The following HECTD4 variants were observed in gnomAD, a reference collection of about 807,000 sequenced individuals.
HECTD4 encodes the protein HECT domain E3 ubiquitin protein ligase 4.
In HECTD4, 114 loss-of-function variants were observed where a neutral mutation model predicts 471.5. The ratio of observed to expected loss-of-function variants is 0.24; its 90% CI spans 0.21 to 0.28. The LOEUF (loss-of-function observed/expected upper bound fraction) is 0.28, where lower values mean the gene tolerates loss of function less well. Ranked by LOEUF, HECTD4 falls within the 10% of genes least tolerant of loss-of-function variation. HECTD4 has a pLI of 1.00. For missense variants in HECTD4, 3,866 were observed against 5,651.5 expected, an observed-to-expected ratio of 0.68 and a Z score of 10.13; for synonymous variants, 2,012 against 2,256.0, an observed-to-expected ratio of 0.89 and a Z score of 3.07.
Position 112,219,495 on chromosome 12 carries a change from G to C in HECTD4, c.6971-6C>G. ...CACAACTGCAAGTCGCTCTCCTGTA[G>C]AGGGCACATGTTGAATCTGTGAAAA... On this transcript the variant is annotated splice_polypyrimidine_tract_variant and splice_region_variant and intron_variant, in intron 44 of 75. Transcript: ENST00000682272. 6.2e-7 allele frequency: 1 copy of C among 1,605,994 alleles called. No individual in the cohort carries two copies. The highest frequency in any genetic ancestry group is 1.3e-5 in the African/African-American group (1 of 74,860).
At chr12:112,380,228 T>C (rs2036862469) in intron 1 of HECTD4, among the ~76,000 whole-genome samples, 1 of 152,128 alleles carries the variant, frequency 6.6e-6, no homozygotes, top group Non-Finnish European at 1.5e-5. Flanking sequence ...GCAGATCACT[T>C]GAGGTCAGGA....
At chr12:112,224,791 T>G (rs1288890578) in intron 44 of HECTD4, among the ~76,000 whole-genome samples, 1 of 152,188 alleles carries the variant, frequency 6.6e-6, no homozygotes, top group African/African-American at 2.4e-5. Flanking sequence ...ACCTTATGCA[T>G]TAAGTATCAA....
In HECTD4 at chr12:112,160,616, A is replaced by G. The variant is rs936601421; in HGVS notation, c.*1771T>C. On this transcript the variant is annotated 3_prime_UTR_variant, in exon 76 of 76. Coordinates refer to ENST00000682272, the MANE Select transcript of HECTD4 (RefSeq NM_001388303.1). ...GCTTCTGAACTCCTCCTGGGGAGGT[A>G]GCTGACAAGTCCATTCAAGGGATGA... is the stretch of plus-strand genomic sequence containing the variant. 1 of 152,220 alleles carries G rather than the reference A, an allele frequency of 6.6e-6. No individual in the cohort carries two copies. The highest frequency in any genetic ancestry group is 2.4e-5 in the African/African-American group (1 of 41,458). 9.4% of individuals were successfully genotyped at this position (152,220 alleles called of 1,614,324 possible). A position where few individuals can be genotyped will look rare whatever the true frequency, so the allele number is the denominator to read the frequency against.
chr12:112,288,261 G>A (rs757373821), intron 7 of HECTD4, among the ~76,000 whole-genome samples: 2 of 150,444 alleles, frequency 1.3e-5, no homozygotes, highest in Admixed American at 6.7e-5. Context: ...AGAGGTTGCA[G>A]TGAGCGGAGA....
intron 60 of HECTD4, 33 bp from the exon 61 acceptor site, chr12:112,185,526 T>TATTTTC: frequency 6.8e-7 from 1 of 1,469,620 alleles, no homozygotes; most frequent in Non-Finnish European, 9.2e-7. Flanking sequence ...CAGTAATTAC[T>TATTTTC]ATGCAGCACT....
chr12:112,294,960 A>AATTC (rs1486925058), intron 7 of HECTD4, among the ~76,000 whole-genome samples: 96 of 152,130 alleles, frequency 6.3e-4, no homozygotes, highest in African/African-American at 2.1e-3. Flanking sequence ...TTAATTAATT[A>AATTC]ATTCATTCAT....
intron 27 of HECTD4, 30 bp from the exon 28 acceptor site, chr12:112,247,580 C>A: frequency 8.7e-7 from 1 of 1,146,032 alleles, no homozygotes; most frequent in South Asian, 1.6e-5. Context: ...TATGCAGAAT[C>A]TGCAAGAACC....
chr12:112,208,609 C>A lies in HECTD4; in HGVS notation c.7889G>T (p.Cys2630Phe). 26 of 1,598,030 alleles carry A rather than the reference C, an allele frequency of 1.6e-5. No homozygotes were observed. Among genetic ancestry groups the A allele is most frequent in the Non-Finnish European group, 2.2e-5 (26 of 1,174,184 alleles). Residue 2630 changes from cysteine (C) to phenylalanine (F), a missense_variant, in exon 51 of 76, where the codon TGT becomes TTT. Physicochemically the swap from Cys to Phe is radical, Grantham distance 205 (BLOSUM62 -2). Transcript: ENST00000682272. Reference sequence around the variant, plus strand: ...ATAGCTGAGCTCGACTTTATAATGACAGGAGGTGTCACTATCATATTCTGT... The same window carrying A: ...ATAGCTGAGCTCGACTTTATAATGAAAGGAGGTGTCACTATCATATTCTGT... ...AQQQYDSDTSCHYKVELSYEN... is the reference protein window; with the variant it reads ...AQQQYDSDTSFHYKVELSYEN...
At chr12:112,182,832 CA>C (rs1315318801) in intron 62 of HECTD4, among the ~76,000 whole-genome samples, 1 of 152,254 alleles carries the variant, frequency 6.6e-6, no homozygotes, top group African/African-American at 2.4e-5. Flanking sequence ...TGCACATAAC[CA>C]GCCCCCACTG....
chr12:112,235,344 T>A lies in HECTD4; in HGVS notation c.5726-78A>T. 1 of 1,513,998 alleles carries A rather than the reference T, an allele frequency of 6.6e-7. No homozygotes were observed. Among genetic ancestry groups the A allele is most frequent in the Non-Finnish European group, 8.9e-7 (1 of 1,120,524 alleles). The allele number at this position is 1,513,998 out of a possible 1,614,324, so 93.8% of individuals were successfully genotyped here. Reference sequence around the variant, plus strand: ...GCTCTGCTAAAATGAAAAATAATGGTTTGGGATTTGGAATCTTTCTTCCCC... The same window carrying A: ...GCTCTGCTAAAATGAAAAATAATGGATTGGGATTTGGAATCTTTCTTCCCC... On this transcript the variant is annotated intron_variant, in intron 36 of 75. Coordinates refer to ENST00000682272, the MANE Select transcript of HECTD4 (RefSeq NM_001388303.1). This position sits in a 1 kb window ranked among gnomAD's most constrained non-coding sequence, Gnocchi z 5.0.
rs927961683 is a variant in HECTD4, at chr12:112,162,536, G to A, written c.13121-13C>T. ...GAGTCTGGGGAACCTACAAGAAACC[G>A]AGCCAGCATCAGAGGGTTGGGCCCA... On this transcript the variant is annotated splice_polypyrimidine_tract_variant and intron_variant, in intron 75 of 75. Transcript: ENST00000682272. This position sits in a 1 kb window ranked among gnomAD's most constrained non-coding sequence, Gnocchi z 5.2. The A allele has an allele frequency of 1.9e-5, 31 of 1,613,884 alleles. No individual in the cohort carries two copies. The highest frequency in any genetic ancestry group is 2.5e-5 in the Non-Finnish European group (29 of 1,179,844).
intron 69 of HECTD4, 33 bp downstream of exon 69, chr12:112,170,300 T>C: frequency 6.2e-7 from 1 of 1,611,212 alleles, no homozygotes; most frequent in Non-Finnish European, 8.5e-7. Context: ...GCACTGCCAT[T>C]TTGCATTTTT....
intron 7 of HECTD4, chr12:112,302,587 A>T: frequency 1.5e-6 from 1 of 666,522 alleles, no homozygotes; most frequent in Non-Finnish European, 2.7e-6. Context: ...CAGGGAATTC[A>T]CCACTTTCTT....
At chr12:112,310,526 T>C (rs568238439) in intron 4 of HECTD4, among the ~76,000 whole-genome samples, 5 of 152,196 alleles carry the variant, frequency 3.3e-5, no homozygotes, top group Non-Finnish European at 5.9e-5. Flanking sequence ...ATTTTCATAA[T>C]CATTCTGCTC....
intron 4 of HECTD4, 63 bp from the exon 5 acceptor site, chr12:112,309,732 C>CT: frequency 1.3e-6 from 1 of 772,830 alleles, no homozygotes. Flanking sequence ...TATAAACATG[C>CT]TTTTTCTAAT....
At chr12:112,332,540 CAAAA>C (rs58503491) in intron 1 of HECTD4, among the ~76,000 whole-genome samples, 2 of 63,006 alleles carry the variant, frequency 3.2e-5, no homozygotes, top group Non-Finnish European at 7.2e-5. Context: ...GACTCTGTCT[CAAAA>C]AAAAAAAAAA....
chr12:112,360,712 G>A (rs549919134), intron 1 of HECTD4, among the ~76,000 whole-genome samples: 5 of 152,272 alleles, frequency 3.3e-5, no homozygotes, highest in African/African-American at 9.6e-5. Flanking sequence ...GGCCGGGGGC[G>A]GTGGCTCACG....
rs371049703 is a variant in HECTD4 at position 112,178,884 on chromosome 12, C to G, written c.11363+47G>C. 8.5e-5 allele frequency: 133 copies of G among 1,563,060 alleles called. 1 individual carries two copies. Among genetic ancestry groups the G allele is most frequent in the African/African-American group, 5.8e-4 (43 of 73,938 alleles). ...CAGGCTCCTGCTCGGAGGCCTCCCC[C>G]ACATCTGCCCACAGGCTGGGCTGCC... On this transcript the variant is annotated intron_variant, in intron 64 of 75. Coordinates refer to ENST00000682272, the MANE Select transcript of HECTD4 (RefSeq NM_001388303.1).
chr12:112,309,420 A>C lies in HECTD4; in HGVS notation c.1025+141T>G, dbSNP rs775883514. 2.2e-4 allele frequency: 112 copies of C among 502,328 alleles called. 1 individual carries two copies. Among genetic ancestry groups the C allele is most frequent in the Non-Finnish European group, 3.1e-4 (90 of 287,340 alleles). The allele number at this position is 502,328 out of a possible 1,614,324, so 31.1% of individuals were successfully genotyped here. On this transcript the variant is annotated intron_variant, in intron 5 of 75. Transcript: ENST00000682272. ...AAAGGTGGCAATAAGAGAAGATTGG[A>C]ATTATTTGAATTAGTTCAGACTTGT...
Sources: gnomAD v4.1 joint callset for allele counts (sites outside exome capture counted in the v4.1 genomes callset) on GRCh38, gnomAD v4.1.1 for gene constraint, Gnocchi (gnomAD v3.1) non-coding constraint, MANE v1.5 for transcripts, NCBI Gene and HGNC (gene_info 2026-07-23, HGNC 2026-07-21) for gene names.